Variants in PPP2R3C observed in about 807,000 individuals in gnomAD.
PPP2R3C encodes the protein serine/threonine-protein phosphatase 2A regulatory subunit B'' subunit gamma.
A neutral mutation model predicts 63.7 loss-of-function variants in PPP2R3C; 47 were observed. The observed-to-expected ratio is 0.74, with a 90% confidence interval of 0.58 to 0.94. PPP2R3C has a LOEUF of 0.94. PPP2R3C is among the 40% of genes least tolerant of loss of function. The probability of loss-of-function intolerance (pLI) is 0.00; values close to 1 mark genes in which losing one functional copy is unlikely to be tolerated. For missense variants in PPP2R3C, 421 were observed against 518.4 expected, an observed-to-expected ratio of 0.81 and a Z score of 1.82; for synonymous variants, 180 against 177.4, an observed-to-expected ratio of 1.01 and a Z score of -0.12.
At chr14:35,110,691 T>C (rs922235485) in intron 2 of PPP2R3C, 62 bp from the exon 3 acceptor site, 2 of 1,083,432 alleles carry the variant, frequency 1.8e-6, no homozygotes, top group Non-Finnish European at 2.7e-6. Context: ...ATAAAATGTA[T>C]GTGGCCTCAT....
At chr14:35,085,801 A>G in intron 12 of PPP2R3C, 23 bp from the exon 13 acceptor site, 3 of 1,558,360 alleles carry the variant, frequency 1.9e-6, no homozygotes, top group East Asian at 4.5e-5. Flanking sequence ...AAAAAATACA[A>G]TGAAATTTGA....
At chr14:35,094,450 T>C (rs910705801) in intron 10 of PPP2R3C, among the ~76,000 whole-genome samples, 2 of 148,626 alleles carry the variant, frequency 1.3e-5, no homozygotes, top group Non-Finnish European at 3.0e-5. Flanking sequence ...ATTATAACCA[T>C]AAGCTACCAA....
intron 5 of PPP2R3C, chr14:35,107,928 C>T (rs2046413319): frequency 1.0e-5 from 5 of 479,594 alleles, no homozygotes; most frequent in Non-Finnish European, 3.5e-6. Flanking sequence ...TATTTCTAGT[C>T]TACTATTATC....
At position 35,099,254 on chromosome 14, in the gene PPP2R3C, GT is replaced by G. The variant is rs2046106909; in HGVS notation, c.703del (p.Thr235GlnfsTer4). ...AGTTAGATAAGATTTTCTTTTACCT[GT>G]TCTTAAAGGATCTAAAAAGAAGAAG... ...KFFFFLDPLR[T>X]GKIKIQDILA... is the part of the protein sequence containing the mutation. On this transcript the variant is annotated frameshift_variant, in exon 7 of 13. Coordinates refer to ENST00000261475, the MANE Select transcript of PPP2R3C (RefSeq NM_017917.4). LOFTEE classifies it high-confidence loss of function. 6.3e-7 allele frequency: 1 copy of G among 1,575,938 alleles called. No homozygotes were observed.
chr14:35,099,077 A>G lies in PPP2R3C; in HGVS notation c.706+175T>C, dbSNP rs1033009210. 5 of 826,878 alleles carry G rather than the reference A, an allele frequency of 6.0e-6. No homozygotes were observed. In the Admixed American group the frequency reaches 1.9e-4, roughly 32 times the overall value. 51.2% of individuals were successfully genotyped at this position (826,878 alleles called of 1,614,324 possible). A position where few individuals can be genotyped will look rare whatever the true frequency, so the allele number is the denominator to read the frequency against. ...AATCATAAAAGATCTTCAGATAAAC[A>G]TAACCAAAGTACTGCTACTGTTTTT... On this transcript the variant is annotated intron_variant, in intron 7 of 12. Coordinates refer to ENST00000261475, the MANE Select transcript of PPP2R3C (RefSeq NM_017917.4).
chr14:35,095,065 T>C lies in PPP2R3C; in HGVS notation c.958A>G (p.Thr320Ala). ...ACTACTACCATTTCTCCATCATAAG[T>C]GAGACACTCCTGGAAAACACGGTCT... ...FLDRVFQECL[T>A]YDGEMDYKTY... The change falls in exon 10 of 13, where the codon ACT becomes GCT. Residue 320 changes from threonine to alanine, a missense_variant. Transcript: ENST00000261475. 6.2e-7 allele frequency: 1 copy of C among 1,606,998 alleles called. No individual in the cohort carries two copies. Among genetic ancestry groups the C allele is most frequent in the South Asian group, 1.1e-5 (1 of 90,910 alleles).
At chr14:35,108,382 TAAGTCAAAC>T (rs2046428804) in intron 4 of PPP2R3C, 146 bp from the exon 5 acceptor site, 2 of 1,109,348 alleles carry the variant, frequency 1.8e-6, no homozygotes, top group South Asian at 4.6e-5. Context: ...CTTAAAATAT[TAAGTCAAAC>T]TTTTTTTTTT....
chr14:35,093,650 ATTC>A (rs1212318952), intron 10 of PPP2R3C, among the ~76,000 whole-genome samples: 1 of 151,716 alleles, frequency 6.6e-6, no homozygotes, highest in East Asian at 1.9e-4. Context: ...AATTTATCAG[ATTC>A]TTTTTTTTTT....
intron 12 of PPP2R3C, chr14:35,087,248 T>C (rs1295174496): frequency 2.6e-5 from 4 of 152,170 alleles, no homozygotes; most frequent in Non-Finnish European, 5.9e-5. Context: ...GTAAAATAAC[T>C]ACAAAATTTG....
At chr14:35,090,966 C>T (rs576379725) in intron 11 of PPP2R3C, 104 bp downstream of exon 11, 36 of 1,065,618 alleles carry the variant, frequency 3.4e-5, no homozygotes, top group Middle Eastern at 3.2e-4. Flanking sequence ...CCACCTGCCT[C>T]GGCCTCCCAA....
At chr14:35,107,414 T>G in intron 5 of PPP2R3C, 40 bp from the exon 6 acceptor site, 2 of 1,468,744 alleles carry the variant, frequency 1.4e-6, no homozygotes, top group Non-Finnish European at 9.5e-7. Flanking sequence ...TCTTAAGATC[T>G]ATCCTTCAGA....
intron 10 of PPP2R3C, among the ~76,000 whole-genome samples, chr14:35,093,944 A>G (rs2138624264): frequency 6.6e-6 from 1 of 152,290 alleles, no homozygotes; most frequent in South Asian, 2.1e-4. Context: ...TGTTTTTAGC[A>G]GCAAAAATGG....
chr14:35,093,529 T>C (rs1393562386), intron 10 of PPP2R3C, among the ~76,000 whole-genome samples: 1 of 152,184 alleles, frequency 6.6e-6, no homozygotes, highest in Admixed American at 6.6e-5. Context: ...TTTTCTTTTG[T>C]TGTTACTAAT....
In PPP2R3C at chr14:35,108,142, T is replaced by G; in HGVS notation, c.499A>C (p.Lys167Gln). The change falls in exon 5 of 13, where the codon AAA (lysine) becomes CAA (glutamine). Residue 167 changes from lysine to glutamine, a missense_variant. Coordinates refer to ENST00000261475, the MANE Select transcript of PPP2R3C (RefSeq NM_017917.4). ...AAGCACAGTAAAAATGAATCACCTT[T>G]TCTCATGACATAATTAAAGAACTGC... Reference protein sequence around the residue: ...IMQFFNYVMRKVWLHQTRIGL... With the variant: ...IMQFFNYVMRQVWLHQTRIGL... 1 of 1,607,840 alleles carries G rather than the reference T, an allele frequency of 6.2e-7. No individual in the cohort carries two copies. Among genetic ancestry groups the G allele is most frequent in the Non-Finnish European group, 8.5e-7 (1 of 1,178,370 alleles).
chr14:35,099,269 A>G lies in PPP2R3C; in HGVS notation c.689T>C (p.Leu230Ser). 1 of 1,589,912 alleles carries G rather than the reference A, an allele frequency of 6.3e-7. No homozygotes were observed. The highest frequency in any genetic ancestry group is 8.5e-7 in the Non-Finnish European group (1 of 1,173,362). Reference protein sequence around the residue: ...CTAVRKFFFFLDPLRTGKIKI... With the variant: ...CTAVRKFFFFSDPLRTGKIKI... ...TCTTTTACCTGTTCTTAAAGGATCT[A>G]AAAAGAAGAAGAACTTCCTAACTGC... Residue 230 changes from leucine to serine, a missense_variant, in exon 7 of 13, where the codon TTA (leucine) becomes TCA (serine). Around this residue, in one of 3 missense-constraint regions of PPP2R3C, gnomAD observed 231 missense variants for 264.8 expected, o/e 0.87. Coordinates refer to ENST00000261475, the MANE Select transcript of PPP2R3C (RefSeq NM_017917.4).
chr14:35,108,828 T>G (rs2046448011), intron 4 of PPP2R3C, among the ~76,000 whole-genome samples: 1 of 151,940 alleles, frequency 6.6e-6, no homozygotes, highest in Admixed American at 6.6e-5. Context: ...CTGACTGATC[T>G]CGAACTCCTG....
intron 10 of PPP2R3C, among the ~76,000 whole-genome samples, chr14:35,092,757 G>A (rs1331852797): frequency 1.3e-5 from 2 of 152,076 alleles, no homozygotes; most frequent in Non-Finnish European, 2.9e-5. Flanking sequence ...GTGAGCCACC[G>A]TGCCCAGTCT....
intron 2 of PPP2R3C, among the ~76,000 whole-genome samples, chr14:35,112,243 C>T (rs1227776098): frequency 6.6e-6 from 1 of 152,168 alleles, no homozygotes; most frequent in Non-Finnish European, 1.5e-5. Flanking sequence ...TCCAACCTGA[C>T]TTAGAACAAT....
At chr14:35,091,719 T>A (rs1243826985) in intron 10 of PPP2R3C, among the ~76,000 whole-genome samples, 1 of 151,704 alleles carries the variant, frequency 6.6e-6, no homozygotes, top group Non-Finnish European at 1.5e-5. Flanking sequence ...CATAGTTCTT[T>A]TTTATTTATT....
Sources: gnomAD v4.1 joint callset for allele counts (sites outside exome capture counted in the v4.1 genomes callset) on GRCh38, gnomAD v4.1.1 for gene constraint, gnomAD v4.1.1 regional missense constraint, MANE v1.5 for transcripts, NCBI Gene and HGNC (gene_info 2026-07-23, HGNC 2026-07-21) for gene names.